AGAP1: variants seen among roughly 807,000 people sequenced by gnomAD.
AGAP1 encodes arf-GAP with GTPase, ANK repeat and PH domain-containing protein 1.
A neutral mutation model predicts 105.3 loss-of-function variants in AGAP1; 29 were observed. The ratio of observed to expected loss-of-function variants is 0.28; its 90% confidence interval spans 0.21 to 0.38. AGAP1 has a LOEUF of 0.38. Ranked by LOEUF, AGAP1 falls within the 10% of genes least tolerant of loss-of-function variation. The probability of loss-of-function intolerance (pLI) is 1.00; values close to 1 mark genes in which losing one functional copy is unlikely to be tolerated. For missense variants in AGAP1, 998 were observed against 1,165.1 expected, an observed-to-expected ratio of 0.86 and a Z score of 2.09; for synonymous variants, 509 against 485.9, an observed-to-expected ratio of 1.05 and a Z score of -0.63.
intron 9 of AGAP1, among the ~76,000 whole-genome samples, chr2:235,820,519 G>A (rs556175788): frequency 6.6e-6 from 1 of 152,122 alleles, no homozygotes; most frequent in Non-Finnish European, 1.5e-5. Context: ...TTGTTTATAA[G>A]GAATTCTTCA....
intron 1 of AGAP1, among the ~76,000 whole-genome samples, chr2:235,673,257 T>C (rs2149368498): frequency 6.6e-6 from 1 of 152,360 alleles, no homozygotes; most frequent in South Asian, 2.1e-4. Flanking sequence ...ACATATTTGC[T>C]TCCTGTGACA....
At chr2:235,652,507 C>G (rs1947629459) in intron 1 of AGAP1, among the ~76,000 whole-genome samples, 1 of 152,112 alleles carries the variant, frequency 6.6e-6, no homozygotes, top group South Asian at 2.1e-4. Context: ...GGGTGGAGAG[C>G]CCATGTGATT....
chr2:235,499,689 G>C (rs181533223), intron 1 of AGAP1, among the ~76,000 whole-genome samples: 218 of 152,280 alleles, frequency 1.4e-3, no homozygotes, highest in Non-Finnish European at 2.3e-3. Context: ...TGCGAGGCTC[G>C]GTCTCTGTTG....
At chr2:235,570,894 C>CT (rs1574869065) in intron 1 of AGAP1, among the ~76,000 whole-genome samples, 1 of 152,324 alleles carries the variant, frequency 6.6e-6, no homozygotes, top group East Asian at 1.9e-4. Context: ...TCTCACACGG[C>CT]TATAAAGGAA....
Position 236,080,335 on chromosome 2 carries a change from T to C in AGAP1, c.2114+31054T>C, listed in dbSNP as rs1329891254. Among the ~76,000 whole-genome samples the C allele has an allele frequency of 6.6e-6, 1 of 152,226 alleles. No homozygotes were observed. The highest frequency in any genetic ancestry group is 1.5e-5 in the Non-Finnish European group (1 of 68,036). On this transcript the variant is annotated intron_variant, in intron 16 of 17. Coordinates refer to ENST00000304032, the MANE Select transcript of AGAP1 (RefSeq NM_001037131.3). The surrounding 1 kb of genome is among the most constrained non-coding windows in gnomAD (Gnocchi z 4.2). ...TGCCTCCTCCACCAAGTCTCTGGTC[T>C]AGATTCTGTGAGTCCAGAAACCTCC...
chr2:235,867,572 T>TGTGTGTGTGTGCGC lies in AGAP1; in HGVS notation c.1051-15770_1051-15769insTGTGTGTGCGCGTG, dbSNP rs375110513. On this transcript the variant is annotated intron_variant, in intron 9 of 17. Coordinates refer to ENST00000304032, the MANE Select transcript of AGAP1 (RefSeq NM_001037131.3). The surrounding 1 kb of genome is among the most constrained non-coding windows in gnomAD (Gnocchi z 5.4). ...GTGTGTGTGTGTGTGTGTGTGTGTG[T>TGTGTGTGTGTGCGC]GTGCAAGTGAGGGAGGGTGACCCCC... Among the ~76,000 whole-genome samples the TGTGTGTGTGTGCGC allele has an allele frequency of 2.0e-5, 3 of 148,370 alleles. No individual in the cohort carries two copies. The highest frequency in any genetic ancestry group is 2.0e-4 in the East Asian group (1 of 4,974).
chr2:235,857,039 G>A (rs2048714542), intron 9 of AGAP1, among the ~76,000 whole-genome samples: 1 of 152,142 alleles, frequency 6.6e-6, no homozygotes, highest in Non-Finnish European at 1.5e-5. Flanking sequence ...CCATGGAGAC[G>A]CAGGTGGTGA....
rs997286280 is a variant in AGAP1, at chr2:235,582,411, G to T, written c.163+87562G>T. Among the ~76,000 whole-genome samples the T allele has an allele frequency of 6.6e-6, 1 of 152,192 alleles. No individual in the cohort carries two copies. The highest frequency in any genetic ancestry group is 1.5e-5 in the Non-Finnish European group (1 of 68,038). On this transcript the variant is annotated intron_variant, in intron 1 of 17. Transcript: ENST00000304032. The surrounding 1 kb of genome is among the most constrained non-coding windows in gnomAD (Gnocchi z 4.7). ...GAGCCACACAGTGTAGAAGCGACTT[G>T]CCCTAAATGCCTCATTGAGAAGCAT...
Position 235,601,498 on chromosome 2 carries a change from G to T in AGAP1, c.163+106649G>T, listed in dbSNP as rs566488656. 4.7e-4 allele frequency among the ~76,000 whole-genome samples: 72 copies of T among 152,204 alleles called. No individual in the cohort carries two copies. The highest frequency in any genetic ancestry group is 6.8e-4 in the Non-Finnish European group (46 of 68,038). On this transcript the variant is annotated intron_variant, in intron 1 of 17. Transcript: ENST00000304032. The surrounding 1 kb of genome is among the most constrained non-coding windows in gnomAD (Gnocchi z 4.4). ...TGGCGGAAGGTGAATGAGGAGCAAA[G>T]TTACATCTAACATGGGGGCAGGCAA...
rs745348645 is a variant in AGAP1, at chr2:236,000,469, G to A, written c.1645+31846G>A. On this transcript the variant is annotated intron_variant, in intron 13 of 17. Coordinates refer to ENST00000304032, the MANE Select transcript of AGAP1 (RefSeq NM_001037131.3). This position sits in a 1 kb window ranked among gnomAD's most constrained non-coding sequence, Gnocchi z 4.3. Reference sequence around the variant, plus strand: ...AGTTGTTCAGAGACAGTGGTACTGCGTCCCCCTCCTCCAGTCCAGTCCCCC... The same window carrying A: ...AGTTGTTCAGAGACAGTGGTACTGCATCCCCCTCCTCCAGTCCAGTCCCCC... Among the ~76,000 whole-genome samples, 5 of 152,108 alleles carry A rather than the reference G, an allele frequency of 3.3e-5. No homozygotes were observed. The highest frequency in any genetic ancestry group is 7.2e-5 in the African/African-American group (3 of 41,420).
chr2:235,587,907 G>A (rs887150346), intron 1 of AGAP1, among the ~76,000 whole-genome samples: 1 of 151,964 alleles, frequency 6.6e-6, no homozygotes, highest in Admixed American at 6.6e-5. Context: ...TCCCATGAAC[G>A]GAAGGGAAGT....
At chr2:235,661,380 C>A (rs968506390) in intron 1 of AGAP1, among the ~76,000 whole-genome samples, 5 of 152,070 alleles carry the variant, frequency 3.3e-5, no homozygotes, top group African/African-American at 1.2e-4. Context: ...GTCCATTTGC[C>A]AACTCTGAGC....
intron 16 of AGAP1, among the ~76,000 whole-genome samples, chr2:236,066,715 G>C (rs990265525): frequency 2.0e-5 from 3 of 152,132 alleles, no homozygotes; most frequent in Non-Finnish European, 2.9e-5. Flanking sequence ...CACATTTTGA[G>C]TATACAATCA....
Position 235,973,162 on chromosome 2 carries a change from T to C in AGAP1, c.1645+4539T>C, listed in dbSNP as rs2125369899. 6.6e-6 allele frequency among the ~76,000 whole-genome samples: 1 copy of C among 152,362 alleles called. No homozygotes were observed. Among genetic ancestry groups the C allele is most frequent in the East Asian group, 1.9e-4 (1 of 5,182 alleles). ...TGACCGATGGAAATTGGGCCGTTCC[T>C]GCCCTGGAGTTTCTCCCTGCGCAGG... On this transcript the variant is annotated intron_variant, in intron 13 of 17. Coordinates refer to ENST00000304032, the MANE Select transcript of AGAP1 (RefSeq NM_001037131.3). The surrounding 1 kb of genome is among the most constrained non-coding windows in gnomAD (Gnocchi z 4.7).
intron 12 of AGAP1, among the ~76,000 whole-genome samples, chr2:235,945,399 C>T (rs965415323): frequency 2.0e-5 from 3 of 152,156 alleles, no homozygotes; most frequent in Non-Finnish European, 2.9e-5. Context: ...ATGGTTAACG[C>T]GTGCGCTAGC....
Position 235,705,657 on chromosome 2 carries a change from C to T in AGAP1, c.164-3522C>T, listed in dbSNP as rs529262419. Among the ~76,000 whole-genome samples, 4 of 152,200 alleles carry T rather than the reference C, an allele frequency of 2.6e-5. No individual in the cohort carries two copies. The highest frequency in any genetic ancestry group is 2.1e-4 in the South Asian group (1 of 4,824). The stretch of plus-strand genomic sequence containing the variant: ...GAGGCAGCATTCCATTTTGACTGGG[C>T]GGTAACAGAGTTGATGAAAGTTTTT... On this transcript the variant is annotated intron_variant, in intron 1 of 17. Transcript: ENST00000304032. The surrounding 1 kb of genome is among the most constrained non-coding windows in gnomAD (Gnocchi z 4.9).
At chr2:235,590,293 ACCCATCAGCTCTCTG>A (rs772691811) in intron 1 of AGAP1, among the ~76,000 whole-genome samples, 2 of 152,212 alleles carry the variant, frequency 1.3e-5, no homozygotes, top group African/African-American at 2.4e-5. Flanking sequence ...AGATGTAAGC[ACCCATCAGCTCTCTG>A]CCCAAAGATA....
At position 235,716,552 on chromosome 2, in the gene AGAP1, GC is replaced by G. The variant is rs1400269195; in HGVS notation, c.223-1003del. 6.6e-6 allele frequency among the ~76,000 whole-genome samples: 1 copy of G among 152,170 alleles called. No individual in the cohort carries two copies. Among genetic ancestry groups the G allele is most frequent in the East Asian group, 1.9e-4 (1 of 5,176 alleles). On this transcript the variant is annotated intron_variant, in intron 2 of 17. Coordinates refer to ENST00000304032, the MANE Select transcript of AGAP1 (RefSeq NM_001037131.3). The surrounding 1 kb of genome is among the most constrained non-coding windows in gnomAD (Gnocchi z 4.0). ...GCAGGTGGCCTTAATGAGCACCTGT[GC>G]CTGGGGATGGGTGCCTTGTGATGTT... is the stretch of plus-strand genomic sequence containing the variant.
intron 1 of AGAP1, among the ~76,000 whole-genome samples, chr2:235,572,003 C>CACACACACACA (rs1336199763): frequency 2.0e-4 from 19 of 93,494 alleles, no homozygotes; most frequent in African/African-American, 7.0e-4. Context: ...CACACACACA[C>CACACACACACA]TTTTTTTTTT....
Sources: gnomAD v4.1 joint callset for allele counts (sites outside exome capture counted in the v4.1 genomes callset) on GRCh38, gnomAD v4.1.1 for gene constraint, Gnocchi (gnomAD v3.1) non-coding constraint, MANE v1.5 for transcripts, NCBI Gene and HGNC (gene_info 2026-07-23, HGNC 2026-07-21) for gene names.